MAGI3: variants seen among roughly 807,000 people sequenced by gnomAD.
The protein encoded by MAGI3 is membrane associated guanylate kinase, WW and PDZ domain containing 3, also known as membrane-associated guanylate kinase, WW and PDZ domain-containing protein 3.
MAGI3 carries 43 observed loss-of-function variants against 121.8 expected under a neutral mutation model. The ratio of observed to expected loss-of-function variants is 0.35; its 90% CI spans 0.28 to 0.46. MAGI3 has a LOEUF of 0.46. Among genes scored for constraint, MAGI3 ranks in the 20% least tolerant of loss-of-function variants. The pLI, the probability that MAGI3 is intolerant of heterozygous loss-of-function variation, is 1.00. For missense variants in MAGI3, 1,547 were observed against 1,797.3 expected (o/e 0.86, Z 2.52); for synonymous variants, 553 against 639.3 (o/e 0.86, Z 2.04).
intron 1 of MAGI3, among the ~76,000 whole-genome samples, chr1:113,457,339 T>A (rs886371097): frequency 5.9e-5 from 9 of 152,214 alleles, no homozygotes; most frequent in African/African-American, 2.2e-4. Context: ...CATCATTATC[T>A]CTTTTTTACA....
rs904236258 is a variant in MAGI3 at position 113,390,585 on chromosome 1, G to T, written c.-449G>T. Reference sequence around the variant, plus strand: ...CCGCAGCGGCCACGATCGATCCCGCGACGGGTCTACGCGCGCTTCTGCGCG... The same window carrying T: ...CCGCAGCGGCCACGATCGATCCCGCTACGGGTCTACGCGCGCTTCTGCGCG... On this transcript the variant is annotated 5_prime_UTR_variant, in exon 1 of 21. Transcript: ENST00000307546. Among the ~76,000 whole-genome samples the T allele has an allele frequency of 1.3e-5, 2 of 152,172 alleles. No homozygotes were observed. The highest frequency in any genetic ancestry group is 4.8e-5 in the African/African-American group (2 of 41,554).
At chr1:113,564,632 G>A (rs544744573) in intron 2 of MAGI3, among the ~76,000 whole-genome samples, 1 of 152,192 alleles carries the variant, frequency 6.6e-6, no homozygotes, top group South Asian at 2.1e-4. Flanking sequence ...CACTTTGGGA[G>A]GCTGAGGCGG....
chr1:113,452,337 A>G (rs1473707822), intron 1 of MAGI3, among the ~76,000 whole-genome samples: 2 of 152,122 alleles, frequency 1.3e-5, no homozygotes, highest in Non-Finnish European at 2.9e-5. Flanking sequence ...AGTCTGAATT[A>G]TGTTCTAAAG....
At chr1:113,490,858 C>T (rs1182504710) in intron 1 of MAGI3, among the ~76,000 whole-genome samples, 1 of 151,958 alleles carries the variant, frequency 6.6e-6, no homozygotes. Flanking sequence ...GTATATACAC[C>T]CAACACAGGA....
chr1:113,583,295 C>A (rs1648147421), intron 3 of MAGI3, among the ~76,000 whole-genome samples: 1 of 151,046 alleles, frequency 6.6e-6, no homozygotes, highest in South Asian at 2.1e-4. Flanking sequence ...TCCCTCCCCC[C>A]AGATCTAATT....
In MAGI3 at chr1:113,641,004, A is replaced by G. The variant is rs573301805; in HGVS notation, c.1361-907A>G. ...TATATATACACTATATATGATATAT[A>G]TAATATATATGATATATAATATATA... On this transcript the variant is annotated intron_variant, in intron 9 of 20. Transcript: ENST00000307546. Among the ~76,000 whole-genome samples the G allele has an allele frequency of 1.1e-4, 6 of 56,272 alleles. No homozygotes were observed. The South Asian group carries it at 2.6e-3, about 24-fold the overall frequency. The allele number at this position is 56,272 out of a possible 152,430, so 36.9% of individuals were successfully genotyped here.
rs745990093 is a variant in MAGI3 at position 113,580,660 on chromosome 1, T to C, written c.552T>C (p.Asp184=). 2.9e-5 allele frequency: 47 copies of C among 1,601,716 alleles called. No homozygotes were observed. The highest frequency in any genetic ancestry group is 1.7e-4 in the Admixed American group (10 of 58,584). ...CATTGTTAGAAAGTGGGACATATGA[T>C]GGTATGTCCCCAAATAACATCACTA... ...SGALLESGTY[D]GNFYGTPKPP... is the part of the protein sequence containing the mutation. Residue 184 remains aspartate, a splice_region_variant and synonymous_variant, in exon 3 of 21, where the codon GAT becomes GAC. Coordinates refer to ENST00000307546, the MANE Select transcript of MAGI3 (RefSeq NM_001142782.2).
intron 1 of MAGI3, among the ~76,000 whole-genome samples, chr1:113,526,059 G>A (rs984920651): frequency 9.9e-5 from 15 of 152,126 alleles, no homozygotes; most frequent in South Asian, 2.1e-4. Flanking sequence ...AAAAGATTAG[G>A]TTTATAAAGA....
rs7554364 is a variant in MAGI3 at position 113,435,255 on chromosome 1, G to A, written c.316+43906G>A. Among the ~76,000 whole-genome samples the A allele has an allele frequency of 1.8e-3, 267 of 152,136 alleles. 1 individual carries two copies. Among genetic ancestry groups the A allele is most frequent in the African/African-American group, 6.0e-3 (247 of 41,512 alleles). On this transcript the variant is annotated intron_variant, in intron 1 of 20. Transcript: ENST00000307546. ...TAATAAGCGTTCGTTTGTAGTAATAGCCTCTTTGGTTTTCTATTTCATAGA... is the reference window on the plus strand; with the variant it reads ...TAATAAGCGTTCGTTTGTAGTAATAACCTCTTTGGTTTTCTATTTCATAGA...
chr1:113,464,448 G>A (rs1207276351), intron 1 of MAGI3, among the ~76,000 whole-genome samples: 1 of 152,098 alleles, frequency 6.6e-6, no homozygotes, highest in African/African-American at 2.4e-5. Flanking sequence ...AAATAGTGCT[G>A]CAATAAACAT....
chr1:113,635,125 G>C (rs899260201), intron 9 of MAGI3, among the ~76,000 whole-genome samples: 2 of 152,076 alleles, frequency 1.3e-5, no homozygotes, highest in Non-Finnish European at 2.9e-5. Flanking sequence ...GGAGATTTTG[G>C]GCTGAGACAA....
rs1474369791 is a variant in MAGI3 at position 113,391,473 on chromosome 1, G to T, written c.316+124G>T. The T allele has an allele frequency of 1.8e-6, 2 of 1,094,160 alleles. No individual in the cohort carries two copies. Among genetic ancestry groups the T allele is most frequent in the Non-Finnish European group, 2.6e-6 (2 of 776,114 alleles). The allele number at this position is 1,094,160 out of a possible 1,614,324, so 67.8% of individuals were successfully genotyped here. On this transcript the variant is annotated intron_variant, in intron 1 of 20. Transcript: ENST00000307546. The surrounding 1 kb of genome is among the most constrained non-coding windows in gnomAD (Gnocchi z 4.4). Reference sequence around the variant, plus strand: ...GGGTAATCTTAGACCTCTAGGGTGTGCCAGACTCCTTGACGAGGGGGAGGG... The same window carrying T: ...GGGTAATCTTAGACCTCTAGGGTGTTCCAGACTCCTTGACGAGGGGGAGGG...
At chr1:113,682,795 T>C in intron 20 of MAGI3, 102 bp from the exon 21 acceptor site, 1 of 1,447,626 alleles carries the variant, frequency 6.9e-7, no homozygotes, top group Non-Finnish European at 9.1e-7. Context: ...TCAGGCTTTT[T>C]AAGCAGTTAC....
rs868016389 is a variant in MAGI3 at position 113,683,428 on chromosome 1, C to T, written c.3860C>T (p.Ala1287Val). ...DQCRKSRGRS[A>V]SPKKQQKIEG... ...TGCAGAAAAAGCAGAGGTCGGTCGG[C>T]CAGCCCAAAAAAGCAGCAAAAAATT... The change falls in exon 21 of 21, where the codon GCC becomes GTC. Residue 1287 changes from alanine to valine, a missense_variant. Coordinates refer to ENST00000307546, the MANE Select transcript of MAGI3 (RefSeq NM_001142782.2). 10 of 1,613,778 alleles carry T rather than the reference C, an allele frequency of 6.2e-6. No homozygotes were observed. Among genetic ancestry groups the T allele is most frequent in the Non-Finnish European group, 8.5e-6 (10 of 1,179,882 alleles).
Position 113,411,973 on chromosome 1 carries a change from CATCAA to C in MAGI3, c.316+20625_316+20629del, listed in dbSNP as rs746149622. ...ATGTGCCATGTTGGTTTGTTGCACCCATCAACTCGTATTTACATTAGGTATTTCTC... is the reference window on the plus strand; with the variant it reads ...ATGTGCCATGTTGGTTTGTTGCACCCCTCGTATTTACATTAGGTATTTCTC... On this transcript the variant is annotated intron_variant, in intron 1 of 20. Transcript: ENST00000307546. 3.0e-4 allele frequency among the ~76,000 whole-genome samples: 45 copies of C among 151,860 alleles called. No individual in the cohort carries two copies. In the East Asian group the frequency reaches 7.2e-3, roughly 24 times the overall value.
chr1:113,637,470 A>G (rs1161229717), intron 9 of MAGI3, among the ~76,000 whole-genome samples: 1 of 152,120 alleles, frequency 6.6e-6, no homozygotes, highest in Non-Finnish European at 1.5e-5. Flanking sequence ...AAAGGATTTT[A>G]TTTCTCCTTC....
chr1:113,437,225 T>C (rs1231787939), intron 1 of MAGI3, among the ~76,000 whole-genome samples: 1 of 152,040 alleles, frequency 6.6e-6, no homozygotes, highest in Non-Finnish European at 1.5e-5. Flanking sequence ...AGTTTTAATA[T>C]TTATTTTCAG....
At chr1:113,614,955 GA>G (rs1379924563) in intron 7 of MAGI3, among the ~76,000 whole-genome samples, 2 of 152,124 alleles carry the variant, frequency 1.3e-5, no homozygotes, top group Non-Finnish European at 2.9e-5. Context: ...ATAGAAAACT[GA>G]AATGAGGGCA....
intron 18 of MAGI3, among the ~76,000 whole-genome samples, chr1:113,673,017 T>A (rs1219025282): frequency 6.6e-6 from 1 of 152,234 alleles, no homozygotes; most frequent in Non-Finnish European, 1.5e-5. Context: ...TTTTGTTTGT[T>A]ACTTGTTTGT....
Sources: gnomAD v4.1 joint callset for allele counts (sites outside exome capture counted in the v4.1 genomes callset) on GRCh38, gnomAD v4.1.1 for gene constraint, Gnocchi (gnomAD v3.1) non-coding constraint, MANE v1.5 for transcripts, NCBI Gene and HGNC (gene_info 2026-07-23, HGNC 2026-07-21) for gene names.